EYS: variants seen among roughly 807,000 people sequenced by gnomAD.
EYS encodes the protein protein eyes shut homolog.
In EYS, 250 loss-of-function variants were observed where a neutral mutation model predicts 282.1. That is an observed-to-expected ratio of 0.89 (90% confidence interval 0.80 to 0.98). The LOEUF (loss-of-function observed/expected upper bound fraction) is 0.98. EYS is among the 50% of genes least tolerant of loss of function. The pLI is 0.00. For synonymous variants in EYS, 1,355 were observed against 1,282.9 expected (o/e 1.06, Z -1.20); for missense variants, 4,016 against 3,709.0 (o/e 1.08, Z -2.15).
chr6:64,478,902 G>A (rs1422978606), intron 26 of EYS, among the ~76,000 whole-genome samples: 1 of 151,362 alleles, frequency 6.6e-6, no homozygotes, highest in Non-Finnish European at 1.5e-5. Flanking sequence ...TATTTTTTCA[G>A]GGTTTTAGAT....
rs890952509 is a variant in EYS, at chr6:65,639,802, G to A, written c.-357C>T. On this transcript the variant is annotated 5_prime_UTR_variant, in exon 2 of 43. Transcript: ENST00000503581. ...CCTCAAGTACACAGGTTCCGTTGCT[G>A]TTTGAGATCAGTGTTTTATTTGCTA... The A allele has an allele frequency of 6.6e-6, 1 of 152,120 alleles. No individual in the cohort carries two copies. The highest frequency in any genetic ancestry group is 2.1e-4 in the South Asian group (1 of 4,828). 9.4% of individuals were successfully genotyped at this position (152,120 alleles called of 1,614,324 possible). A position where few individuals can be genotyped will look rare whatever the true frequency, so the allele number is the denominator to read the frequency against.
At chr6:65,248,915 C>T (rs1313052875) in intron 12 of EYS, among the ~76,000 whole-genome samples, 1 of 151,772 alleles carries the variant, frequency 6.6e-6, no homozygotes, top group Non-Finnish European at 1.5e-5. Context: ...ATAGGAGGTC[C>T]TATAATAGGC....
intron 2 of EYS, among the ~76,000 whole-genome samples, chr6:65,629,820 T>C (rs555531152): frequency 6.6e-6 from 1 of 152,244 alleles, no homozygotes; most frequent in Admixed American, 6.5e-5. Context: ...TTTGAGGCTA[T>C]AATTCCACTA....
intron 31 of EYS, among the ~76,000 whole-genome samples, chr6:64,131,456 G>A (rs1296934879): frequency 8.5e-5 from 13 of 152,160 alleles, no homozygotes; most frequent in African/African-American, 3.1e-4. Context: ...TTGTCATGTA[G>A]AGTCTATGCT....
chr6:64,995,976 G>A lies in EYS; in HGVS notation c.2259+1606C>T, dbSNP rs543384581. Among the ~76,000 whole-genome samples the A allele has an allele frequency of 1.1e-4, 16 of 152,198 alleles. 1 individual carries two copies. In the South Asian group the frequency reaches 3.3e-3, roughly 32 times the overall value. On this transcript the variant is annotated intron_variant, in intron 14 of 42. Coordinates refer to ENST00000503581, the MANE Select transcript of EYS (RefSeq NM_001142800.2). ...CTGAAAGTGGAATCTTATATTACAGGTATGGGGTTCTTTCTTCTGTAATAA... is the reference window on the plus strand; with the variant it reads ...CTGAAAGTGGAATCTTATATTACAGATATGGGGTTCTTTCTTCTGTAATAA...
intron 2 of EYS, among the ~76,000 whole-genome samples, chr6:65,633,659 T>C (rs1430261488): frequency 6.6e-6 from 1 of 152,230 alleles, no homozygotes; most frequent in Non-Finnish European, 1.5e-5. Flanking sequence ...AGTAGCTGCC[T>C]AGAATACATC....
At chr6:64,065,781 G>A (rs961757257) in intron 33 of EYS, among the ~76,000 whole-genome samples, 1 of 152,016 alleles carries the variant, frequency 6.6e-6, no homozygotes, top group Admixed American at 6.6e-5. Context: ...GATTTACTCT[G>A]TGTGCAATTT....
chr6:65,153,098 T>C (rs1344388946), intron 12 of EYS, among the ~76,000 whole-genome samples: 1 of 151,900 alleles, frequency 6.6e-6, no homozygotes, highest in Non-Finnish European at 1.5e-5. Context: ...GAGAATATGC[T>C]ACATAAGATT....
At chr6:64,853,386 T>C (rs1168787885) in intron 19 of EYS, among the ~76,000 whole-genome samples, 1 of 152,138 alleles carries the variant, frequency 6.6e-6, no homozygotes, top group Non-Finnish European at 1.5e-5. Flanking sequence ...GATAATTTTG[T>C]GTCCAGGGCT....
intron 18 of EYS, among the ~76,000 whole-genome samples, chr6:64,892,483 A>T (rs1333664293): frequency 2.0e-5 from 3 of 151,994 alleles, no homozygotes; most frequent in Non-Finnish European, 2.9e-5. Context: ...AAGGACTTTT[A>T]AGCCTATGTT....
At chr6:65,069,607 G>A (rs1294477336) in intron 12 of EYS, among the ~76,000 whole-genome samples, 1 of 151,902 alleles carries the variant, frequency 6.6e-6, no homozygotes, top group Non-Finnish European at 1.5e-5. Context: ...TGTAGCTTCT[G>A]TGGTTTTTCT....
intron 2 of EYS, among the ~76,000 whole-genome samples, chr6:65,557,509 G>C (rs968836951): frequency 1.3e-5 from 2 of 152,206 alleles, no homozygotes; most frequent in Non-Finnish European, 2.9e-5. Flanking sequence ...AGTGGCAACT[G>C]AGAGCTCAAA....
chr6:64,614,248 A>G (rs1767197762), intron 24 of EYS, among the ~76,000 whole-genome samples: 1 of 152,146 alleles, frequency 6.6e-6, no homozygotes, highest in Non-Finnish European at 1.5e-5. Flanking sequence ...CGAAATTTTG[A>G]CCTCTGACAC....
chr6:65,655,006 T>C (rs1352045148), intron 1 of EYS, among the ~76,000 whole-genome samples: 1 of 150,554 alleles, frequency 6.6e-6, no homozygotes, highest in Non-Finnish European at 1.5e-5. Flanking sequence ...AAAAAATGTT[T>C]GTCCAAGATT....
chr6:64,045,684 T>C (rs1770589187), intron 33 of EYS, among the ~76,000 whole-genome samples: 1 of 150,854 alleles, frequency 6.6e-6, no homozygotes. Flanking sequence ...TGACCTCAGA[T>C]GATCTGCCCG....
At chr6:64,016,486 TTGA>T (rs1275901386) in intron 33 of EYS, among the ~76,000 whole-genome samples, 1 of 136,556 alleles carries the variant, frequency 7.3e-6, no homozygotes, top group Admixed American at 7.2e-5. Context: ...TCATACCTTT[TTGA>T]TTTTTTTTTT....
chr6:64,298,046 ATTG>A (rs1693289976), intron 30 of EYS, among the ~76,000 whole-genome samples: 4 of 151,886 alleles, frequency 2.6e-5, no homozygotes, highest in South Asian at 4.1e-4. Context: ...GCTAAGAAAG[ATTG>A]TTAACACTGG....
chr6:64,957,246 G>A (rs368089082), intron 14 of EYS, among the ~76,000 whole-genome samples: 20 of 152,274 alleles, frequency 1.3e-4, no homozygotes, highest in African/African-American at 4.3e-4. Context: ...GAGCCATTGA[G>A]AAGAATGAGA....
chr6:64,059,197 G>A (rs1771082201), intron 33 of EYS, among the ~76,000 whole-genome samples: 4 of 152,160 alleles, frequency 2.6e-5, no homozygotes, highest in Middle Eastern at 3.4e-3. Flanking sequence ...TATTATAGAT[G>A]TACTTGCCAC....
Sources: gnomAD v4.1 joint callset for allele counts (sites outside exome capture counted in the v4.1 genomes callset) on GRCh38, gnomAD v4.1.1 for gene constraint, MANE v1.5 for transcripts, NCBI Gene and HGNC (gene_info 2026-07-23, HGNC 2026-07-21) for gene names.